HEG1: variants seen among roughly 807,000 people sequenced by gnomAD.
HEG1 encodes heart development protein with EGF like domains 1.
In HEG1, 56 loss-of-function variants were observed where a neutral mutation model predicts 125.6. The ratio of observed to expected loss-of-function variants is 0.45; its 90% confidence interval spans 0.36 to 0.56. The LOEUF is 0.56. HEG1 is among the 20% of genes least tolerant of loss of function. The probability of loss-of-function intolerance (pLI) is 0.00; values close to 1 mark genes in which losing one functional copy is unlikely to be tolerated. For synonymous variants in HEG1, 644 were observed against 668.5 expected (o/e 0.96, Z 0.57); for missense variants, 1,523 against 1,670.0 (o/e 0.91, Z 1.53).
At chr3:125,022,878 A>T (rs1421167521) in intron 3 of HEG1, among the ~76,000 whole-genome samples, 2 of 152,174 alleles carry the variant, frequency 1.3e-5, no homozygotes, top group Non-Finnish European at 2.9e-5. Flanking sequence ...CATTAATTTC[A>T]TCCATTCAAC....
intron 1 of HEG1, among the ~76,000 whole-genome samples, chr3:125,030,600 T>C (rs113301697): frequency 3.3e-3 from 500 of 152,346 alleles, no homozygotes; most frequent in Admixed American, 5.2e-3. Context: ...AGACTTTATA[T>C]GTAATGATCT....
intron 3 of HEG1, among the ~76,000 whole-genome samples, chr3:125,025,318 G>A (rs931903901): frequency 5.9e-5 from 9 of 152,200 alleles, no homozygotes; most frequent in African/African-American, 2.2e-4. Context: ...AGACATACTT[G>A]GATGCCTGGT....
chr3:125,053,029 C>G (rs890297723), intron 1 of HEG1, among the ~76,000 whole-genome samples: 2 of 152,220 alleles, frequency 1.3e-5, no homozygotes, highest in Admixed American at 1.3e-4. Context: ...GAAAGGCCTG[C>G]AGGAAGCTTC....
intron 3 of HEG1, among the ~76,000 whole-genome samples, chr3:125,023,006 C>T (rs1049609141): frequency 6.6e-6 from 1 of 152,108 alleles, no homozygotes; most frequent in Non-Finnish European, 1.5e-5. Context: ...CCAGCCTGGC[C>T]AACATGGTGA....
In HEG1 at chr3:125,012,690, G is replaced by A; in HGVS notation, c.2889C>T (p.Pro963=). ...TCTGAACAGCAAAGGTGGCAGATTT[G>A]GGAGCCAAGTCTTCAGCCGTGGAAA... ...TVVSTAEDLA[P]KSATFAVQSS... Residue 963 remains proline, a synonymous_variant, in exon 6 of 17, where the codon CCC becomes CCT. Coordinates refer to ENST00000311127, the MANE Select transcript of HEG1 (RefSeq NM_020733.2). The A allele has an allele frequency of 6.2e-7, 1 of 1,613,868 alleles. No individual in the cohort carries two copies. Among genetic ancestry groups the A allele is most frequent in the Non-Finnish European group, 8.5e-7 (1 of 1,179,858 alleles).
At chr3:125,014,762 G>A (rs1045778459) in intron 5 of HEG1, 36 of 1,288,632 alleles carry the variant, frequency 2.8e-5, no homozygotes, top group Middle Eastern at 4.3e-4. Flanking sequence ...GGCCCATGTC[G>A]TCCGTCACGT....
At chr3:125,043,023 G>A (rs891822867) in intron 1 of HEG1, among the ~76,000 whole-genome samples, 17 of 152,330 alleles carry the variant, frequency 1.1e-4, no homozygotes, top group African/African-American at 4.1e-4. Context: ...AGGGAGTTTC[G>A]TTTCCTTCCT....
chr3:124,985,073 T>C (rs1015197396), intron 14 of HEG1, among the ~76,000 whole-genome samples: 5 of 152,338 alleles, frequency 3.3e-5, no homozygotes, highest in African/African-American at 7.2e-5. Flanking sequence ...GAAAAATATA[T>C]AATACCAGTG....
At chr3:124,979,607 C>G (rs1936612886) in intron 14 of HEG1, among the ~76,000 whole-genome samples, 1 of 152,096 alleles carries the variant, frequency 6.6e-6, no homozygotes, top group Admixed American at 6.5e-5. Flanking sequence ...AAATTGTGTT[C>G]TCTAGTTGTA....
intron 1 of HEG1, among the ~76,000 whole-genome samples, chr3:125,050,738 A>G (rs1023076764): frequency 6.6e-6 from 1 of 152,116 alleles, no homozygotes; most frequent in Non-Finnish European, 1.5e-5. Flanking sequence ...CAACCTCATC[A>G]CCTCACACGG....
chr3:125,023,469 C>G (rs1937366759), intron 3 of HEG1, among the ~76,000 whole-genome samples: 1 of 152,212 alleles, frequency 6.6e-6, no homozygotes, highest in African/African-American at 2.4e-5. Context: ...CTACCATTTA[C>G]TGACCAATTA....
At chr3:124,975,324 T>C (rs1201300946) in intron 15 of HEG1, among the ~76,000 whole-genome samples, 1 of 152,196 alleles carries the variant, frequency 6.6e-6, no homozygotes, top group Non-Finnish European at 1.5e-5. Context: ...ATTATTATCA[T>C]CTAAGTCAGA....
intron 5 of HEG1, among the ~76,000 whole-genome samples, chr3:125,017,860 A>G (rs1937273787): frequency 6.7e-6 from 1 of 149,686 alleles, no homozygotes; most frequent in East Asian, 2.0e-4. Flanking sequence ...CTCTACTGAA[A>G]ATATAAAAAA....
intron 14 of HEG1, among the ~76,000 whole-genome samples, chr3:124,985,974 C>G (rs1176016226): frequency 1.3e-5 from 2 of 152,174 alleles, no homozygotes; most frequent in Non-Finnish European, 2.9e-5. Flanking sequence ...GATGAGGTTT[C>G]ACCAGGTTGG....
At chr3:125,018,150 C>T (rs1203013006) in intron 5 of HEG1, among the ~76,000 whole-genome samples, 4 of 152,094 alleles carry the variant, frequency 2.6e-5, no homozygotes, top group African/African-American at 9.7e-5. Context: ...CAATTGATGA[C>T]AATTGATAAA....
intron 9 of HEG1, among the ~76,000 whole-genome samples, chr3:125,003,333 A>G (rs983620016): frequency 6.6e-6 from 1 of 152,238 alleles, no homozygotes; most frequent in African/African-American, 2.4e-5. Context: ...AATGCAAAGG[A>G]CTGCACTTCT....
At chr3:125,026,275 C>T (rs1937413225) in intron 3 of HEG1, among the ~76,000 whole-genome samples, 1 of 152,128 alleles carries the variant, frequency 6.6e-6, no homozygotes, top group South Asian at 2.1e-4. Context: ...TCGGCTGCAC[C>T]TTGTTCTTGG....
intron 12 of HEG1, among the ~76,000 whole-genome samples, chr3:124,995,849 G>A (rs1238400044): frequency 6.6e-6 from 1 of 152,224 alleles, no homozygotes; most frequent in Non-Finnish European, 1.5e-5. Flanking sequence ...TATTGTTAAT[G>A]CTAGCCTGTA....
At position 124,992,229 on chromosome 3, in the gene HEG1, G is replaced by T. The variant is rs141201657; in HGVS notation, c.3653-1243C>A. 5.9e-3 allele frequency among the ~76,000 whole-genome samples: 895 copies of T among 152,250 alleles called. 10 individuals carry two copies. The highest frequency in any genetic ancestry group is 0.021 in the African/African-American group (863 of 41,546). On this transcript the variant is annotated intron_variant, in intron 12 of 16. Transcript: ENST00000311127. ...GCACCTTGCCCAAGAACAGAACTTT[G>T]AACCCTCGGGTGGTGCAGCTCATGG...
Sources: gnomAD v4.1 joint callset for allele counts (sites outside exome capture counted in the v4.1 genomes callset) on GRCh38, gnomAD v4.1.1 for gene constraint, MANE v1.5 for transcripts, NCBI Gene and HGNC (gene_info 2026-07-23, HGNC 2026-07-21) for gene names.